The following OLFM2 variants were observed in gnomAD, a reference collection of about 807,000 sequenced individuals.
OLFM2 encodes noelin-2.
In OLFM2, 20 loss-of-function variants were observed where a neutral mutation model predicts 43.9. That is an observed-to-expected ratio of 0.46 (90% CI 0.32 to 0.66). OLFM2 has a LOEUF of 0.66. Among genes scored for constraint, OLFM2 ranks in the 30% least tolerant of loss-of-function variants. The pLI is 0.04. For missense variants in OLFM2, 416 were observed against 643.6 expected, an observed-to-expected ratio of 0.65 and a Z score of 3.83; for synonymous variants, 268 against 278.6, an observed-to-expected ratio of 0.96 and a Z score of 0.38.
chr19:9,855,212 G>A (rs1190700199), intron 5 of OLFM2, among the ~76,000 whole-genome samples: 1 of 150,224 alleles, frequency 6.7e-6, no homozygotes, highest in African/African-American at 2.4e-5. Context: ...ATCCCAGTGA[G>A]TGCTATTGGT....
intron 1 of OLFM2, among the ~76,000 whole-genome samples, chr19:9,881,880 T>TA (rs1289612276): frequency 2.0e-5 from 3 of 151,934 alleles, no homozygotes; most frequent in Non-Finnish European, 2.9e-5. Context: ...AATCACCTCT[T>TA]AAAAAAACCC....
Position 9,854,048 on chromosome 19 carries a change from A to ACAGAAAT in OLFM2, c.*137_*138insATTTCTG. On this transcript the variant is annotated 3_prime_UTR_variant, in exon 6 of 6. Coordinates refer to ENST00000264833, the MANE Select transcript of OLFM2 (RefSeq NM_058164.4). The surrounding 1 kb of genome is among the most constrained non-coding windows in gnomAD (Gnocchi z 9.5). ...AATAGACAGAAATACATAGGCAGAG[A>ACAGAAAT]ACAAAAGCCCAGCAAAAAGGCGGGG... The ACAGAAAT allele has an allele frequency of 1.4e-6, 1 of 716,320 alleles. No homozygotes were observed. Among genetic ancestry groups the ACAGAAAT allele is most frequent in the Non-Finnish European group, 2.3e-6 (1 of 430,628 alleles). 44.4% of individuals were successfully genotyped at this position (716,320 alleles called of 1,614,324 possible). A position where few individuals can be genotyped will look rare whatever the true frequency, so the allele number is the denominator to read the frequency against.
intron 1 of OLFM2, among the ~76,000 whole-genome samples, chr19:9,903,695 G>T (rs543266957): frequency 6.6e-6 from 1 of 152,282 alleles, no homozygotes; most frequent in East Asian, 1.9e-4. Flanking sequence ...AATGGAGCCA[G>T]CCTTGGCCAG....
In OLFM2 at chr19:9,854,120, G is replaced by C; in HGVS notation, c.*66C>G. ...GAGAGATCACCCTTGAGGGACACAGGCAGAATGAAAAGGGCCCCCAGCCCC... is the reference window on the plus strand; with the variant it reads ...GAGAGATCACCCTTGAGGGACACAGCCAGAATGAAAAGGGCCCCCAGCCCC... On this transcript the variant is annotated 3_prime_UTR_variant, in exon 6 of 6. Transcript: ENST00000264833. The surrounding 1 kb of genome is among the most constrained non-coding windows in gnomAD (Gnocchi z 9.5). 7.0e-7 allele frequency: 1 copy of C among 1,436,106 alleles called. No individual in the cohort carries two copies. Among genetic ancestry groups the C allele is most frequent in the Non-Finnish European group, 9.7e-7 (1 of 1,026,380 alleles). The allele number at this position is 1,436,106 out of a possible 1,614,324, so 89.0% of individuals were successfully genotyped here.
intron 1 of OLFM2, among the ~76,000 whole-genome samples, chr19:9,935,786 C>T (rs956146437): frequency 2.6e-5 from 4 of 151,770 alleles, no homozygotes; most frequent in Non-Finnish European, 5.9e-5. Flanking sequence ...CCGGTCACAC[C>T]CAACCACGAC....
chr19:9,913,814 C>A (rs1287819552), intron 1 of OLFM2: 6 of 390,938 alleles, frequency 1.5e-5, no homozygotes, highest in African/African-American at 6.6e-5. Context: ...GCGCGCCTGG[C>A]GGGCTCCTCT....
chr19:9,899,133 CA>C (rs2046709729), intron 1 of OLFM2, among the ~76,000 whole-genome samples: 1 of 151,998 alleles, frequency 6.6e-6, no homozygotes, highest in African/African-American at 2.4e-5. Context: ...GGCGTGGTGG[CA>C]GCCACCTGTA....
chr19:9,886,548 C>T (rs905228523), intron 1 of OLFM2, among the ~76,000 whole-genome samples: 1 of 151,936 alleles, frequency 6.6e-6, no homozygotes, highest in African/African-American at 2.4e-5. Context: ...ACCCTGGCAC[C>T]GAGTTCTGTC....
intron 1 of OLFM2, among the ~76,000 whole-genome samples, chr19:9,895,532 A>T (rs1341358151): frequency 6.6e-6 from 1 of 152,112 alleles, no homozygotes; most frequent in African/African-American, 2.4e-5. Context: ...AAATATGACA[A>T]AACATTTAAA....
intron 1 of OLFM2, among the ~76,000 whole-genome samples, chr19:9,914,191 C>T (rs904183619): frequency 1.3e-5 from 2 of 152,122 alleles, no homozygotes; most frequent in South Asian, 2.1e-4. Context: ...CTCGGCCCAC[C>T]CCGGCCACCC....
At chr19:9,878,876 A>C (rs531006084) in intron 1 of OLFM2, among the ~76,000 whole-genome samples, 3 of 151,972 alleles carry the variant, frequency 2.0e-5, no homozygotes, top group Non-Finnish European at 4.4e-5. Context: ...TGCTTGTTTG[A>C]GACTCGGTAG....
chr19:9,859,812 C>T (rs2046353231), intron 2 of OLFM2, among the ~76,000 whole-genome samples: 2 of 152,160 alleles, frequency 1.3e-5, no homozygotes, highest in African/African-American at 2.4e-5. Flanking sequence ...TTCCCCCCAC[C>T]CCAATCCCAG....
At chr19:9,862,341 A>G (rs1191199797) in intron 1 of OLFM2, among the ~76,000 whole-genome samples, 1 of 152,040 alleles carries the variant, frequency 6.6e-6, no homozygotes, top group African/African-American at 2.4e-5. Context: ...GAAAAGGAGA[A>G]GGCAGGGGAC....
At chr19:9,930,094 A>G (rs2086473939) in intron 1 of OLFM2, among the ~76,000 whole-genome samples, 1 of 152,084 alleles carries the variant, frequency 6.6e-6, no homozygotes, top group African/African-American at 2.4e-5. Context: ...GTTGGCCTAC[A>G]TGGATACAGT....
At chr19:9,858,018 C>A in intron 2 of OLFM2, 157 bp from the exon 3 acceptor site, 1 of 871,078 alleles carries the variant, frequency 1.1e-6, no homozygotes, top group Non-Finnish European at 1.9e-6. Flanking sequence ...CTCCCAATTG[C>A]GTGCCCAATC....
At chr19:9,918,289 CAT>C (rs1450343842) in intron 1 of OLFM2, among the ~76,000 whole-genome samples, 1 of 152,162 alleles carries the variant, frequency 6.6e-6, no homozygotes, top group Non-Finnish European at 1.5e-5. Flanking sequence ...CTCCTGGGCT[CAT>C]GTGATCCTCC....
chr19:9,875,582 C>T (rs1049998235), intron 1 of OLFM2, among the ~76,000 whole-genome samples: 3 of 150,544 alleles, frequency 2.0e-5, no homozygotes, highest in Non-Finnish European at 4.4e-5. Flanking sequence ...CTTCGACTTC[C>T]CTGGCTCAGG....
chr19:9,913,636 C>T, intron 1 of OLFM2: 1 of 1,260,472 alleles, frequency 7.9e-7, no homozygotes, highest in Non-Finnish European at 1.0e-6. Context: ...CGCCTCATGC[C>T]CCGCGGCCGC....
chr19:9,886,719 C>T (rs1277450738), intron 1 of OLFM2, among the ~76,000 whole-genome samples: 6 of 144,580 alleles, frequency 4.1e-5, no homozygotes, highest in Middle Eastern at 3.4e-3. Flanking sequence ...ACATTCATCT[C>T]GTTTCTTTTT....
Sources: allele counts gnomAD v4.1 joint callset (sites outside exome capture counted in the v4.1 genomes callset), GRCh38; gene constraint gnomAD v4.1.1; non-coding constraint Gnocchi (gnomAD v3.1); transcripts MANE v1.5; gene names NCBI Gene and HGNC (gene_info 2026-07-23, HGNC 2026-07-21).